Variants in MPDZ observed in about 807,000 individuals in gnomAD.
MPDZ encodes the protein multiple PDZ domain crumbs cell polarity complex component, also known as multiple PDZ domain protein.
In MPDZ, 234 loss-of-function variants were observed where a neutral mutation model predicts 239.1. That is an observed-to-expected ratio of 0.98 (90% CI 0.88 to 1.09). MPDZ has a LOEUF of 1.09. Ranked by LOEUF, MPDZ falls within the 50% of genes least tolerant of loss-of-function variation. The pLI is 0.00. For missense variants in MPDZ, 3,175 were observed against 2,510.0 expected, an observed-to-expected ratio of 1.26 and a Z score of -5.66; for synonymous variants, 1,048 against 881.3, an observed-to-expected ratio of 1.19 and a Z score of -3.35.
Position 13,109,036 on chromosome 9 carries a change from G to A in MPDZ, c.5966C>T (p.Thr1989Ile), listed in dbSNP as rs546961898. ...DLGPPQCKSI[T>I]LERGPDGLGF... ...TAAGCCATCTGGTCCTCGCTCTAGT[G>A]TAATAGACTTACATTGAGGAGGTCT... Residue 1989 changes from threonine (T) to isoleucine (I), a missense_variant, in exon 46 of 47, where the codon ACA becomes ATA. By Grantham distance (89) the Thr-to-Ile change is moderately conservative. Transcript: ENST00000319217. The A allele has an allele frequency of 1.0e-5, 16 of 1,552,422 alleles. No individual in the cohort carries two copies. Among genetic ancestry groups the A allele is most frequent in the Admixed American group, 1.9e-5 (1 of 53,056 alleles).
intron 10 of MPDZ, 62 bp from the exon 11 acceptor site, chr9:13,206,161 AT>A: frequency 7.0e-7 from 1 of 1,430,158 alleles, no homozygotes; most frequent in Non-Finnish European, 9.5e-7. Flanking sequence ...TGTATTACCA[AT>A]TCACAAAATG....
intron 21 of MPDZ, among the ~76,000 whole-genome samples, chr9:13,169,044 C>G (rs1951453828): frequency 6.6e-6 from 1 of 152,102 alleles, no homozygotes; most frequent in Non-Finnish European, 1.5e-5. Flanking sequence ...TAATATGTGC[C>G]AAGTACTATG....
At chr9:13,236,683 C>T (rs532286407) in intron 3 of MPDZ, among the ~76,000 whole-genome samples, 13 of 152,086 alleles carry the variant, frequency 8.5e-5, no homozygotes, top group Non-Finnish European at 1.9e-4. Context: ...AAAACTCCCA[C>T]TTCCCCAAAT....
chr9:13,106,124 T>C lies in MPDZ; in HGVS notation c.*841A>G, dbSNP rs1287881256. 1 of 152,176 alleles carries C rather than the reference T, an allele frequency of 6.6e-6. No individual in the cohort carries two copies. Among genetic ancestry groups the C allele is most frequent in the Admixed American group, 6.5e-5 (1 of 15,272 alleles). The allele number at this position is 152,176 out of a possible 1,614,324, so 9.4% of individuals were successfully genotyped here. A position where few individuals can be genotyped will look rare whatever the true frequency, so the allele number is the denominator to read the frequency against. Reference sequence around the variant, plus strand: ...ACATTTTTAATGTTGCATCGGTTGTTAAAACCAGCACTAAAGATTCTGGAA... The same window carrying C: ...ACATTTTTAATGTTGCATCGGTTGTCAAAACCAGCACTAAAGATTCTGGAA... On this transcript the variant is annotated 3_prime_UTR_variant, in exon 47 of 47. Coordinates refer to ENST00000319217, the MANE Select transcript of MPDZ (RefSeq NM_001378778.1).
At chr9:13,152,850 G>T (rs1249557148) in intron 24 of MPDZ, among the ~76,000 whole-genome samples, 3 of 152,076 alleles carry the variant, frequency 2.0e-5, no homozygotes, top group African/African-American at 7.2e-5. Context: ...TAAGCGCTAT[G>T]AGTATATTTA....
At chr9:13,110,828 C>G (rs1942335852) in intron 43 of MPDZ, 88 bp from the exon 44 acceptor site, 4 of 824,424 alleles carry the variant, frequency 4.9e-6, no homozygotes. Flanking sequence ...CCTTCTCCAC[C>G]TTCCACATGA....
chr9:13,260,657 T>C (rs1029741231), intron 1 of MPDZ, among the ~76,000 whole-genome samples: 1 of 152,108 alleles, frequency 6.6e-6, no homozygotes, highest in African/African-American at 2.4e-5. Context: ...TCCAATAGAA[T>C]TGGTGGTCTT....
chr9:13,170,721 G>A (rs963942162), intron 21 of MPDZ, among the ~76,000 whole-genome samples: 10 of 152,108 alleles, frequency 6.6e-5, no homozygotes, highest in Non-Finnish European at 1.5e-4. Flanking sequence ...ATGAGCTATG[G>A]CCAACATGAT....
intron 3 of MPDZ, among the ~76,000 whole-genome samples, chr9:13,231,502 G>C (rs1428057598): frequency 1.3e-5 from 2 of 152,148 alleles, no homozygotes; most frequent in East Asian, 1.9e-4. Flanking sequence ...GGGAGGTGGA[G>C]GTTGCAGTGA....
At position 13,121,884 on chromosome 9, in the gene MPDZ, C is replaced by G; in HGVS notation, c.5086G>C (p.Val1696Leu). 6.2e-7 allele frequency: 1 copy of G among 1,613,832 alleles called. No individual in the cohort carries two copies. ...RKATHDEAIN[V>L]LRQTPQRVRL... ...ACTCTCTGTGGCGTCTGTCTCAGGACATTGATTGCTTCATCATGTGTGGCC... is the reference window on the plus strand; with the variant it reads ...ACTCTCTGTGGCGTCTGTCTCAGGAGATTGATTGCTTCATCATGTGTGGCC... Residue 1696 changes from valine to leucine, a missense_variant, in exon 38 of 47, where the codon GTC becomes CTC. Transcript: ENST00000319217.
At chr9:13,244,501 G>A (rs904650517) in intron 3 of MPDZ, among the ~76,000 whole-genome samples, 14 of 152,106 alleles carry the variant, frequency 9.2e-5, no homozygotes, top group African/African-American at 3.1e-4. Flanking sequence ...GATTATTCAG[G>A]TTTAATAGCA....
intron 32 of MPDZ, among the ~76,000 whole-genome samples, chr9:13,132,650 G>A (rs1444916915): frequency 6.6e-6 from 1 of 152,140 alleles, no homozygotes; most frequent in Admixed American, 6.6e-5. Context: ...GTATATGTGT[G>A]CCAGGTGCTG....
chr9:13,189,971 T>C, intron 16 of MPDZ, 143 bp downstream of exon 16: 1 of 653,076 alleles, frequency 1.5e-6, no homozygotes, highest in Middle Eastern at 3.6e-4. Context: ...TTTATGATAA[T>C]CAGTGAATCC....
intron 26 of MPDZ, 40 bp downstream of exon 26, chr9:13,147,508 C>G (rs775766285): frequency 2.0e-6 from 3 of 1,467,382 alleles, no homozygotes; most frequent in South Asian, 1.1e-5. Flanking sequence ...AAGTTGAACA[C>G]TGTTTGGATA....
chr9:13,279,470 C>A lies in MPDZ; in HGVS notation c.-128G>T, dbSNP rs1449350131. On this transcript the variant is annotated 5_prime_UTR_variant, in exon 1 of 47. Coordinates refer to ENST00000319217, the MANE Select transcript of MPDZ (RefSeq NM_001378778.1). ...GACTGGGGAGCAGGGGTCGCCGGGG[C>A]CTCTGGATGCCTCGCCTCGCCCACG... The A allele has an allele frequency of 6.7e-6, 1 of 148,620 alleles. No individual in the cohort carries two copies. Among genetic ancestry groups the A allele is most frequent in the Non-Finnish European group, 1.5e-5 (1 of 66,714 alleles). 9.2% of individuals were successfully genotyped at this position (148,620 alleles called of 1,614,324 possible).
chr9:13,279,263 A>ACCCCCGCCCCCG (rs1306373701), intron 1 of MPDZ, 137 bp downstream of exon 1: 3 of 34,418 alleles, frequency 8.7e-5, no homozygotes, highest in South Asian at 1.1e-3. Context: ...CCCCACCCCC[A>ACCCCCGCCCCCG]CCCCCACCCC....
rs1317409272 is a variant in MPDZ, at chr9:13,183,431, G to A, written c.2636C>T (p.Ser879Leu). 6.8e-6 allele frequency: 11 copies of A among 1,606,402 alleles called. No homozygotes were observed. Among genetic ancestry groups the A allele is most frequent in the Non-Finnish European group, 9.3e-6 (11 of 1,177,376 alleles). ...DGLNYGSSLP[S>L]SPPKDVIENS... ...TTTCCTTTGTACCTTAGGAGGAGAT[G>A]ATGGAAGGGAAGAACCATAGTTCAG... is the stretch of plus-strand genomic sequence containing the variant. The change falls in exon 19 of 47, where the codon TCA (serine) becomes TTA (leucine). Residue 879 changes from serine (S) to leucine (L), a missense_variant. Ser to Leu is a moderately radical substitution (Grantham distance 145, BLOSUM62 -2). Coordinates refer to ENST00000319217, the MANE Select transcript of MPDZ (RefSeq NM_001378778.1).
At chr9:13,270,552 G>A (rs1282855474) in intron 1 of MPDZ, among the ~76,000 whole-genome samples, 1 of 151,026 alleles carries the variant, frequency 6.6e-6, no homozygotes, top group Non-Finnish European at 1.5e-5. Flanking sequence ...ATATTTTGGA[G>A]AGCTTTTTTT....
chr9:13,131,962 T>C (rs1000111781), intron 32 of MPDZ, among the ~76,000 whole-genome samples: 2 of 152,238 alleles, frequency 1.3e-5, no homozygotes, highest in African/African-American at 4.8e-5. Context: ...TTGCCTCTTC[T>C]GTCTAGCTAC....
Sources: allele counts gnomAD v4.1 joint callset (sites outside exome capture counted in the v4.1 genomes callset), GRCh38; gene constraint gnomAD v4.1.1; transcripts MANE v1.5; gene names NCBI Gene and HGNC (gene_info 2026-07-23, HGNC 2026-07-21).